The following RYR1 variants were observed in gnomAD, a reference collection of about 807,000 sequenced individuals.
RYR1 encodes the protein central core disease of muscle.
In RYR1, 342 loss-of-function variants were observed where a neutral mutation model predicts 583.5. The observed-to-expected ratio is 0.59, with a 90% CI of 0.54 to 0.64. The LOEUF (loss-of-function observed/expected upper bound fraction) is 0.64. Ranked by LOEUF, RYR1 falls within the 30% of genes least tolerant of loss-of-function variation. RYR1 has a pLI of 0.00. For synonymous variants in RYR1, 2,791 were observed against 2,822.5 expected (o/e 0.99, Z 0.35); for missense variants, 6,032 against 6,917.2 (o/e 0.87, Z 4.54).
intron 33 of RYR1, among the ~76,000 whole-genome samples, chr19:38,484,805 A>AT (rs897444153): frequency 9.4e-5 from 14 of 149,572 alleles, no homozygotes; most frequent in Middle Eastern, 3.5e-3. Context: ...CCGTCTCCAC[A>AT]TTTTTTTTTT....
intron 48 of RYR1, 36 bp downstream of exon 48, chr19:38,502,763 AGGG>A: frequency 5.0e-6 from 2 of 402,170 alleles, no homozygotes; most frequent in Non-Finnish European, 4.1e-6. Context: ...GGGCAGGGGC[AGGG>A]GCAGGGGCAG....
intron 7 of RYR1, among the ~76,000 whole-genome samples, chr19:38,445,490 C>G (rs1403063925): frequency 6.6e-6 from 1 of 152,054 alleles, no homozygotes; most frequent in Non-Finnish European, 1.5e-5. Flanking sequence ...ATACCCCAAA[C>G]TTCAGAGTCC....
At chr19:38,516,353 A>C (rs935240703) in intron 65 of RYR1, 136 bp downstream of exon 65, 1 of 1,018,450 alleles carries the variant, frequency 9.8e-7, no homozygotes, top group African/African-American at 1.6e-5. Flanking sequence ...TGGGAGTGCC[A>C]CACATTCAGG....
intron 31 of RYR1, among the ~76,000 whole-genome samples, chr19:38,480,146 G>T (rs1968938031): frequency 6.6e-6 from 1 of 151,128 alleles, no homozygotes; most frequent in Non-Finnish European, 1.5e-5. Flanking sequence ...CATCTTTTTT[G>T]TCTGTTTGTT....
Position 38,483,237 on chromosome 19 carries a change from G to A in RYR1, c.4708-53G>A, listed in dbSNP as rs1289048323. On this transcript the variant is annotated intron_variant, in intron 32 of 105. Transcript: ENST00000359596. The surrounding 1 kb of genome is among the most constrained non-coding windows in gnomAD (Gnocchi z 6.3). ...AAGAGGTCTCCCTGGAAGTGGTGTG[G>A]TGGGACAGAGGGGGCTGGCCATCTT... 1 of 1,578,056 alleles carries A rather than the reference G, an allele frequency of 6.3e-7. No homozygotes were observed. Among genetic ancestry groups the A allele is most frequent in the East Asian group, 2.3e-5 (1 of 43,888 alleles).
At chr19:38,502,830 G>C in intron 48 of RYR1, 50 bp from the exon 49 acceptor site, 1 of 1,569,152 alleles carries the variant, frequency 6.4e-7, no homozygotes. Flanking sequence ...GGCAGGGGCA[G>C]CAGAGCGGGC....
intron 2 of RYR1, 104 bp downstream of exon 2, chr19:38,440,968 C>A: frequency 7.9e-7 from 1 of 1,263,370 alleles, no homozygotes; most frequent in Non-Finnish European, 1.1e-6. Flanking sequence ...GAGGTGCTGA[C>A]AGGAGAGAAA....
rs776921141 is a variant in RYR1 at position 38,532,502 on chromosome 19, G to T, written c.11154G>T (p.Glu3718Asp). 5 of 1,614,170 alleles carry T rather than the reference G, an allele frequency of 3.1e-6. No homozygotes were observed. The highest frequency in any genetic ancestry group is 4.2e-6 in the Non-Finnish European group (5 of 1,180,026). Residue 3718 changes from glutamate (E) to aspartate (D), a missense_variant, in exon 77 of 106, where the codon GAG becomes GAT. Physicochemically the swap from Glu to Asp is conservative, Grantham distance 45 (BLOSUM62 2). Around this residue, in one of 11 missense-constraint regions of RYR1, gnomAD observed 1,493 missense variants for 1,715.5 expected, o/e 0.87. Coordinates refer to ENST00000359596, the MANE Select transcript of RYR1 (RefSeq NM_000540.3). ...TALTEKSKLD[E>D]DYLYMAYADI... ...CTTACTTCCCCAGCAAACTGGATGA[G>T]GATTACCTGTACATGGCCTATGCTG... is the stretch of plus-strand genomic sequence containing the variant.
In RYR1 at chr19:38,496,863, T is replaced by C. The variant is rs1432626976; in HGVS notation, c.6800T>C (p.Met2267Thr). The change falls in exon 42 of 106, where the codon ATG (methionine) becomes ACG (threonine). Residue 2267 changes from methionine (M) to threonine (T), a missense_variant. Transcript: ENST00000359596. The surrounding 1 kb of genome is among the most constrained non-coding windows in gnomAD (Gnocchi z 4.8). ...TCCCCACCTCTCGCCCCTGCAGGCA[T>C]GCAGGGCTCCACGCCCCTGGACGTG... Reference protein sequence around the residue: ...LLENSGIGLGMQGSTPLDVAA... With the variant: ...LLENSGIGLGTQGSTPLDVAA... The C allele has an allele frequency of 3.1e-6, 5 of 1,613,142 alleles. No homozygotes were observed. The highest frequency in any genetic ancestry group is 2.2e-5 in the South Asian group (2 of 91,044).
intron 65 of RYR1, 43 bp downstream of exon 65, chr19:38,516,260 C>T (rs1454221754): frequency 1.3e-6 from 2 of 1,566,642 alleles, no homozygotes; most frequent in Non-Finnish European, 8.7e-7. Context: ...GTCCAAATCT[C>T]CCCAGCACAG....
intron 89 of RYR1, among the ~76,000 whole-genome samples, chr19:38,559,020 C>T (rs1409367305): frequency 2.0e-5 from 3 of 151,942 alleles, no homozygotes; most frequent in African/African-American, 4.8e-5. Flanking sequence ...ACCCAGGAGG[C>T]GGAGGCTGCA....
chr19:38,529,395 G>A (rs1418603489), intron 76 of RYR1, among the ~76,000 whole-genome samples: 2 of 152,122 alleles, frequency 1.3e-5, no homozygotes, highest in East Asian at 1.9e-4. Context: ...CGGAAGAATC[G>A]CTTGAACCTG....
chr19:38,486,595 C>A (rs77886329), intron 34 of RYR1, among the ~76,000 whole-genome samples: 8,037 of 152,272 alleles, frequency 0.053, 419 homozygotes, highest in African/African-American at 0.13. Flanking sequence ...CCCACCTTGG[C>A]CTCCCAAAGT....
rs996380264 is a variant in RYR1, at chr19:38,548,821, A to G, written c.12282+401A>G. On this transcript the variant is annotated intron_variant, in intron 89 of 105. Coordinates refer to ENST00000359596, the MANE Select transcript of RYR1 (RefSeq NM_000540.3). ...CCTCTTGAACTCTTGGGCTCCAACAATTCTCCTACCTTGGCCTCCCAAAGT... is the reference window on the plus strand; with the variant it reads ...CCTCTTGAACTCTTGGGCTCCAACAGTTCTCCTACCTTGGCCTCCCAAAGT... Among the ~76,000 whole-genome samples the G allele has an allele frequency of 6.6e-5, 10 of 152,286 alleles. No individual in the cohort carries two copies. In the East Asian group the frequency reaches 9.6e-4, roughly 15 times the overall value.
chr19:38,461,721 GAAAAA>G (rs34209906), intron 20 of RYR1, among the ~76,000 whole-genome samples: 1 of 75,108 alleles, frequency 1.3e-5, no homozygotes, highest in African/African-American at 5.3e-5. Context: ...GCAAAACCCT[GAAAAA>G]AAAAAAAAAA....
At position 38,496,839 on chromosome 19, in the gene RYR1, C is replaced by A; in HGVS notation, c.6797-21C>A. 1.2e-6 allele frequency: 2 copies of A among 1,601,204 alleles called. No homozygotes were observed. Among genetic ancestry groups the A allele is most frequent in the South Asian group, 1.1e-5 (1 of 90,724 alleles). The stretch of plus-strand genomic sequence containing the variant: ...GAGACAAGCAGGAGTGAGATGTTCT[C>A]CCCACCTCTCGCCCCTGCAGGCATG... On this transcript the variant is annotated intron_variant, in intron 41 of 105. Transcript: ENST00000359596. This position sits in a 1 kb window ranked among gnomAD's most constrained non-coding sequence, Gnocchi z 4.8.
chr19:38,527,155 C>T, intron 72 of RYR1, 103 bp downstream of exon 72: 1 of 1,328,404 alleles, frequency 7.5e-7, no homozygotes, highest in Non-Finnish European at 1.1e-6. Context: ...GAAGAAAGAC[C>T]TCAAAGGTCA....
rs1259121956 is a variant in RYR1, at chr19:38,543,084, T to C, written c.11690-263T>C. Reference sequence around the variant, plus strand: ...CTCAAACTCCTGACCTCAGGTGATCTGCCTGCCTGGGCCTCCCAAAGTGCT... The same window carrying C: ...CTCAAACTCCTGACCTCAGGTGATCCGCCTGCCTGGGCCTCCCAAAGTGCT... On this transcript the variant is annotated intron_variant, in intron 84 of 105. Transcript: ENST00000359596. The surrounding 1 kb of genome is among the most constrained non-coding windows in gnomAD (Gnocchi z 4.4). Among the ~76,000 whole-genome samples the C allele has an allele frequency of 6.6e-6, 1 of 151,056 alleles. No individual in the cohort carries two copies. Among genetic ancestry groups the C allele is most frequent in the African/African-American group, 2.4e-5 (1 of 41,154 alleles).
chr19:38,516,463 T>C (rs1269395939), intron 65 of RYR1, among the ~76,000 whole-genome samples: 2 of 152,044 alleles, frequency 1.3e-5, no homozygotes, highest in African/African-American at 4.8e-5. Flanking sequence ...TGATAAAAGT[T>C]AAGAAAAGTA....
Sources: allele counts gnomAD v4.1 joint callset (sites outside exome capture counted in the v4.1 genomes callset), GRCh38; gene constraint gnomAD v4.1.1; regional missense constraint gnomAD v4.1.1; non-coding constraint Gnocchi (gnomAD v3.1); transcripts MANE v1.5; gene names NCBI Gene and HGNC (gene_info 2026-07-23, HGNC 2026-07-21).